The following PCDHGC4 variants were observed in gnomAD, a reference collection of about 807,000 sequenced individuals.
The protein encoded by PCDHGC4 is protocadherin gamma subfamily C, 4.
In PCDHGC4, 15 loss-of-function variants were observed where a neutral mutation model predicts 59.7. The observed-to-expected ratio is 0.25, with a 90% confidence interval of 0.17 to 0.39. PCDHGC4 has a LOEUF of 0.39. PCDHGC4 is among the 10% of genes least tolerant of loss of function. The probability of loss-of-function intolerance (pLI) is 1.00; values close to 1 mark genes in which losing one functional copy is unlikely to be tolerated. For missense variants in PCDHGC4, 1,016 were observed against 1,189.5 expected (o/e 0.85, Z 2.15); for synonymous variants, 434 against 481.4 (o/e 0.90, Z 1.29).
chr5:141,485,067 C>G lies in PCDHGC4; in HGVS notation c.-107C>G, dbSNP rs944494894. On this transcript the variant is annotated 5_prime_UTR_variant, in exon 1 of 4. Transcript: ENST00000306593. This position sits in a 1 kb window ranked among gnomAD's most constrained non-coding sequence, Gnocchi z 5.7. Reference sequence around the variant, plus strand: ...CGGCGCCGGCCGAACCGCGCCAGAGCTGGCGCGGGGAAAGGGAGATAGGTG... The same window carrying G: ...CGGCGCCGGCCGAACCGCGCCAGAGGTGGCGCGGGGAAAGGGAGATAGGTG... 21 of 894,418 alleles carry G rather than the reference C, an allele frequency of 2.3e-5. No individual in the cohort carries two copies. The highest frequency in any genetic ancestry group is 1.8e-4 in the Admixed American group (8 of 43,320). 55.4% of individuals were successfully genotyped at this position (894,418 alleles called of 1,614,324 possible). A position where few individuals can be genotyped will look rare whatever the true frequency, so the allele number is the denominator to read the frequency against.
In PCDHGC4 at chr5:141,485,507, G is replaced by A. The variant is rs766643911; in HGVS notation, c.334G>A (p.Gly112Ser). 6.8e-6 allele frequency: 11 copies of A among 1,614,174 alleles called. No homozygotes were observed. Among genetic ancestry groups the A allele is most frequent in the Non-Finnish European group, 8.5e-6 (10 of 1,180,036 alleles). ...CGTGCCCCTGGAGTTTGTCACCGAA[G>A]GTCCTTTGGAAATGTACCGAGCAGA... ...CIVPLEFVTEGPLEMYRAEVE... is the reference protein window; with the variant it reads ...CIVPLEFVTESPLEMYRAEVE... The change falls in exon 1 of 4, where the codon GGT (glycine) becomes AGT (serine). Residue 112 changes from glycine (G) to serine (S), a missense_variant. Physicochemically the swap from Gly to Ser is moderately conservative, Grantham distance 56. Transcript: ENST00000306593. The surrounding 1 kb of genome is among the most constrained non-coding windows in gnomAD (Gnocchi z 5.7).
At chr5:141,506,053 T>C (rs1486313858) in intron 3 of PCDHGC4, among the ~76,000 whole-genome samples, 1 of 152,126 alleles carries the variant, frequency 6.6e-6, no homozygotes, top group Non-Finnish European at 1.5e-5. Context: ...TCCCATAAGG[T>C]TGACTAAGGG....
At chr5:141,496,782 C>T (rs552953558) in intron 2 of PCDHGC4, among the ~76,000 whole-genome samples, 16 of 152,136 alleles carry the variant, frequency 1.1e-4, no homozygotes, top group South Asian at 2.1e-4. Context: ...TGAGCAGGGC[C>T]CTGTGCTAAA....
At chr5:141,488,951 A>G (rs2099680664) in intron 1 of PCDHGC4, among the ~76,000 whole-genome samples, 1 of 152,118 alleles carries the variant, frequency 6.6e-6, no homozygotes, top group Admixed American at 6.5e-5. Flanking sequence ...ATTGGTTGAG[A>G]GCACACAGAC....
Position 141,511,015 on chromosome 5 carries a change from C to A in PCDHGC4, c.2659C>A (p.Pro887Thr). Residue 887 changes from proline (P) to threonine (T), a missense_variant, in exon 4 of 4, where the codon CCC becomes ACC. Coordinates refer to ENST00000306593, the MANE Select transcript of PCDHGC4 (RefSeq NM_018928.3). ...GTMGLSARYG[P>T]QFTLQHVPDY... ...CATGGGATTGAGCGCCCGCTACGGA[C>A]CCCAGTTCACCCTGCAGCACGTGCC... 6.2e-7 allele frequency: 1 copy of A among 1,614,224 alleles called. No individual in the cohort carries two copies. The highest frequency in any genetic ancestry group is 8.5e-7 in the Non-Finnish European group (1 of 1,180,038).
At chr5:141,495,175 C>T (rs1337353259) in intron 2 of PCDHGC4, among the ~76,000 whole-genome samples, 1 of 152,182 alleles carries the variant, frequency 6.6e-6, no homozygotes, top group Admixed American at 6.5e-5. Context: ...TGGGTGAAAG[C>T]GAGGCTTTCT....
Position 141,491,508 on chromosome 5 carries a change from G to A in PCDHGC4, c.2443-3299G>A. The A allele has an allele frequency of 6.2e-7, 1 of 1,614,030 alleles. No individual in the cohort carries two copies. The highest frequency in any genetic ancestry group is 8.5e-7 in the Non-Finnish European group (1 of 1,180,014). The stretch of plus-strand genomic sequence containing the variant: ...ACCTGCAGGTGAGCTCGGACGGCAC[G>A]CTCAAGTACATGGAGGTGACGCTGC... On this transcript the variant is annotated intron_variant, in intron 1 of 3. Transcript: ENST00000306593. This position sits in a 1 kb window ranked among gnomAD's most constrained non-coding sequence, Gnocchi z 6.9.
chr5:141,511,381 G>A lies in PCDHGC4; in HGVS notation c.*208G>A, dbSNP rs545793377. 97 of 1,170,372 alleles carry A rather than the reference G, an allele frequency of 8.3e-5. No homozygotes were observed. In the East Asian group the frequency reaches 9.2e-4, roughly 11 times the overall value. 72.5% of individuals were successfully genotyped at this position (1,170,372 alleles called of 1,614,324 possible). On this transcript the variant is annotated 3_prime_UTR_variant, in exon 4 of 4. Transcript: ENST00000306593. ...GGGTTGAATATGCAAAAGCAGTTCC[G>A]CTGGGAACCCCCATCCAATCAACTG...
intron 3 of PCDHGC4, among the ~76,000 whole-genome samples, chr5:141,509,518 T>A (rs1441963133): frequency 6.6e-6 from 1 of 152,170 alleles, no homozygotes; most frequent in Non-Finnish European, 1.5e-5. Context: ...GTTGATGATG[T>A]ATTGCACAGG....
At chr5:141,501,983 C>T (rs957901405) in intron 2 of PCDHGC4, among the ~76,000 whole-genome samples, 1 of 152,068 alleles carries the variant, frequency 6.6e-6, no homozygotes, top group Non-Finnish European at 1.5e-5. Context: ...CATCTGGTCC[C>T]GTTGTCTCCC....
At position 141,489,193 on chromosome 5, in the gene PCDHGC4, G is replaced by A; in HGVS notation, c.2442+1578G>A. The A allele has an allele frequency of 2.2e-6, 3 of 1,369,230 alleles. No individual in the cohort carries two copies. Among genetic ancestry groups the A allele is most frequent in the Non-Finnish European group, 3.0e-6 (3 of 1,000,290 alleles). 84.8% of individuals were successfully genotyped at this position (1,369,230 alleles called of 1,614,324 possible). On this transcript the variant is annotated intron_variant, in intron 1 of 3. Coordinates refer to ENST00000306593, the MANE Select transcript of PCDHGC4 (RefSeq NM_018928.3). The surrounding 1 kb of genome is among the most constrained non-coding windows in gnomAD (Gnocchi z 4.5). ...GCATTCCAAGCCCTGGGTCTACCTT[G>A]GAGACAGGACAGCACAGACTTACTC...
Position 141,490,457 on chromosome 5 carries a change from T to C in PCDHGC4, c.2442+2842T>C. 1 of 1,614,214 alleles carries C rather than the reference T, an allele frequency of 6.2e-7. No homozygotes were observed. Among genetic ancestry groups the C allele is most frequent in the Non-Finnish European group, 8.5e-7 (1 of 1,180,042 alleles). ...AAGCCTTCTGAGAACCACTACTCGC[T>C]GCTAACCAGCCAGCCTTTGGACCGG... On this transcript the variant is annotated intron_variant, in intron 1 of 3. Coordinates refer to ENST00000306593, the MANE Select transcript of PCDHGC4 (RefSeq NM_018928.3). The surrounding 1 kb of genome is among the most constrained non-coding windows in gnomAD (Gnocchi z 5.4).
intron 3 of PCDHGC4, among the ~76,000 whole-genome samples, chr5:141,509,336 GC>G (rs2099876304): frequency 6.6e-6 from 1 of 152,178 alleles, no homozygotes; most frequent in Non-Finnish European, 1.5e-5. Context: ...TGCCAGCTGG[GC>G]CTGGGCTGGC....
Position 141,511,202 on chromosome 5 carries a change from C to A in PCDHGC4, c.*29C>A. On this transcript the variant is annotated 3_prime_UTR_variant, in exon 4 of 4. Transcript: ENST00000306593. ...GGAGGCCAGGCCAAGAGCCACAGGG[C>A]GGCCTCTCCCCAACCAGCCCAGCTT... The A allele has an allele frequency of 6.2e-7, 1 of 1,612,136 alleles. No individual in the cohort carries two copies.
Position 141,491,197 on chromosome 5 carries a change from G to A in PCDHGC4, c.2442+3582G>A. Reference sequence around the variant, plus strand: ...GGTGGTCCTGGTGAGGGACAATGGTGACCCTTCACTCTCCTCCACAGCCAC... The same window carrying A: ...GGTGGTCCTGGTGAGGGACAATGGTAACCCTTCACTCTCCTCCACAGCCAC... On this transcript the variant is annotated intron_variant, in intron 1 of 3. Coordinates refer to ENST00000306593, the MANE Select transcript of PCDHGC4 (RefSeq NM_018928.3). The surrounding 1 kb of genome is among the most constrained non-coding windows in gnomAD (Gnocchi z 6.9). 6.2e-7 allele frequency: 1 copy of A among 1,614,190 alleles called. No individual in the cohort carries two copies. The highest frequency in any genetic ancestry group is 8.5e-7 in the Non-Finnish European group (1 of 1,180,024).
At position 141,503,509 on chromosome 5, in the gene PCDHGC4, G is replaced by A. The variant is rs373282648; in HGVS notation, c.2502-1884G>A. ...AGCTGCTCAAGAGGCTGAGGCAGGA[G>A]AATCACTTGAACCTGGGAGGCAGAG... On this transcript the variant is annotated intron_variant, in intron 2 of 3. Transcript: ENST00000306593. Among the ~76,000 whole-genome samples the A allele has an allele frequency of 9.4e-5, 14 of 149,410 alleles. No individual in the cohort carries two copies. The South Asian group carries it at 1.5e-3, about 16-fold the overall frequency.
intron 1 of PCDHGC4, among the ~76,000 whole-genome samples, chr5:141,488,238 C>T (rs374846692): frequency 5.3e-5 from 8 of 152,036 alleles, no homozygotes; most frequent in Non-Finnish European, 1.0e-4. Flanking sequence ...GAACTAGATG[C>T]GGTAAATTGG....
intron 2 of PCDHGC4, 102 bp from the exon 3 acceptor site, chr5:141,505,291 G>A (rs2154593677): frequency 1.3e-6 from 2 of 1,565,092 alleles, no homozygotes; most frequent in Non-Finnish European, 1.7e-6. Context: ...TGGGCATGGG[G>A]TAGGGTTAGG....
chr5:141,490,948 G>T lies in PCDHGC4; in HGVS notation c.2442+3333G>T. 1 of 1,613,756 alleles carries T rather than the reference G, an allele frequency of 6.2e-7. No homozygotes were observed. The highest frequency in any genetic ancestry group is 8.5e-7 in the Non-Finnish European group (1 of 1,179,810). On this transcript the variant is annotated intron_variant, in intron 1 of 3. Coordinates refer to ENST00000306593, the MANE Select transcript of PCDHGC4 (RefSeq NM_018928.3). The surrounding 1 kb of genome is among the most constrained non-coding windows in gnomAD (Gnocchi z 5.4). The stretch of plus-strand genomic sequence containing the variant: ...CCCAGCTGTGCTGCACCCACGGCCA[G>T]ACTGGGAACACTCAGCCCCCCAGCG...
Sources: allele counts gnomAD v4.1 joint callset (sites outside exome capture counted in the v4.1 genomes callset), GRCh38; gene constraint gnomAD v4.1.1; non-coding constraint Gnocchi (gnomAD v3.1); transcripts MANE v1.5; gene names NCBI Gene and HGNC (gene_info 2026-07-23, HGNC 2026-07-21).